The following TRMO variants were observed in gnomAD, a reference collection of about 807,000 sequenced individuals.
The protein encoded by TRMO is tRNA methyltransferase O.
TRMO carries 30 observed loss-of-function variants against 37.2 expected under a neutral mutation model. The observed-to-expected ratio is 0.81, with a 90% CI of 0.60 to 1.09. The LOEUF (loss-of-function observed/expected upper bound fraction) is 1.09. Ranked by LOEUF, TRMO falls within the 50% of genes least tolerant of loss-of-function variation. The pLI is 0.00. For missense variants in TRMO, 552 were observed against 549.5 expected, an observed-to-expected ratio of 1.00 and a Z score of -0.05; for synonymous variants, 239 against 199.4, an observed-to-expected ratio of 1.20 and a Z score of -1.67.
downstream of TRMO, among the ~76,000 whole-genome samples, chr9:97,903,889 C>T (rs1251240276): frequency 1.3e-5 from 2 of 152,094 alleles, no homozygotes; most frequent in African/African-American, 4.8e-5. Context: ...GTCAGGAATT[C>T]GAGACCAGCC....
At chr9:97,910,909 T>G (rs368276453) in intron 3 of TRMO, 1 of 562,866 alleles carries the variant, frequency 1.8e-6, no homozygotes, top group Non-Finnish European at 3.3e-6. Flanking sequence ...GAGAAGCCTG[T>G]GCACAAACCT....
chr9:97,916,324 C>T lies in TRMO; in HGVS notation c.91G>A (p.Glu31Lys). ...PALETGNLLT[E>K]PVGYLESCFS... ...CAAGATTCCAAGTAGCCGACTGGCT[C>T]AGTTAAAAGATTCCCTACAGGAGAA... is the stretch of plus-strand genomic sequence containing the variant. Residue 31 changes from glutamate to lysine, a missense_variant, in exon 2 of 5, where the codon GAG becomes AAG. Physicochemically the swap from Glu to Lys is moderately conservative, Grantham distance 56 (BLOSUM62 1). Transcript: ENST00000375119. 1 of 1,610,090 alleles carries T rather than the reference C, an allele frequency of 6.2e-7. No homozygotes were observed. The highest frequency in any genetic ancestry group is 8.5e-7 in the Non-Finnish European group (1 of 1,178,418).
At chr9:97,912,430 A>G (rs1037526481) in intron 3 of TRMO, 1 of 156,384 alleles carries the variant, frequency 6.4e-6, no homozygotes, top group African/African-American at 2.4e-5. Context: ...ATCTTCTAGT[A>G]CTTGCTATCC....
chr9:97,911,450 GAGTGAGCTTAAGC>G (rs1308078110), intron 3 of TRMO: 3 of 152,676 alleles, frequency 2.0e-5, no homozygotes, highest in African/African-American at 7.2e-5. Flanking sequence ...CCAACAGTCT[GAGTGAGCTTAAGC>G]AGATTCTTCC....
Position 97,913,427 on chromosome 9 carries a change from G to GTCA in TRMO, c.380_382dup (p.Leu127_Thr128insMet). On this transcript the variant is annotated inframe_insertion, in exon 3 of 5. Coordinates refer to ENST00000375119, the MANE Select transcript of TRMO (RefSeq NM_016481.5). ...TTCTACCTTTTCCAGCTTGGCCAGGGTCAGTCCTATTGCATTGGGACGATG... is the reference window on the plus strand; with the variant it reads ...TTCTACCTTTTCCAGCTTGGCCAGGGTCATCAGTCCTATTGCATTGGGACGATG... The GTCA allele has an allele frequency of 6.2e-7, 1 of 1,613,824 alleles. No individual in the cohort carries two copies. Among genetic ancestry groups the GTCA allele is most frequent in the Non-Finnish European group, 8.5e-7 (1 of 1,179,880 alleles).
At position 97,904,907 on chromosome 9, in the gene TRMO, C is replaced by G; in HGVS notation, c.1152G>C (p.Arg384=). ...AIEAVLSADP[R]SVYRRKLCQD... is the part of the protein sequence containing the mutation. ...GGCAAAGCTTCCGGCGGTACACAGACCGAGGATCCGCTGACAGCACAGCCT... is the reference window on the plus strand; with the variant it reads ...GGCAAAGCTTCCGGCGGTACACAGAGCGAGGATCCGCTGACAGCACAGCCT... Residue 384 remains arginine, a synonymous_variant, in exon 5 of 5, where the codon CGG becomes CGC. Coordinates refer to ENST00000375119, the MANE Select transcript of TRMO (RefSeq NM_016481.5). The G allele has an allele frequency of 6.2e-7, 1 of 1,614,198 alleles. No homozygotes were observed. Among genetic ancestry groups the G allele is most frequent in the Non-Finnish European group, 8.5e-7 (1 of 1,180,040 alleles).
At position 97,904,626 on chromosome 9, in the gene TRMO, T is replaced by A. The variant is rs1825777235; in HGVS notation, c.*107A>T. The A allele has an allele frequency of 1.3e-6, 2 of 1,532,696 alleles. No homozygotes were observed. The highest frequency in any genetic ancestry group is 1.4e-5 in the African/African-American group (1 of 71,922). The allele number at this position is 1,532,696 out of a possible 1,614,324, so 94.9% of individuals were successfully genotyped here. On this transcript the variant is annotated 3_prime_UTR_variant, in exon 5 of 5. Coordinates refer to ENST00000375119, the MANE Select transcript of TRMO (RefSeq NM_016481.5). ...GAACAGCCCAAATCAATCAAAGCCATGAGATCACAAAGTGTTGCTTCTCGA... is the reference window on the plus strand; with the variant it reads ...GAACAGCCCAAATCAATCAAAGCCAAGAGATCACAAAGTGTTGCTTCTCGA...
At chr9:97,904,280 T>G (rs572238610), downstream of TRMO, among the ~76,000 whole-genome samples, 120 of 152,290 alleles carry the variant, frequency 7.9e-4, no homozygotes, top group Non-Finnish European at 1.4e-3. Context: ...TCTCAAAAAC[T>G]ATCTCTACTT....
At chr9:97,904,117 T>C (rs1471018882), downstream of TRMO, among the ~76,000 whole-genome samples, 1 of 152,082 alleles carries the variant, frequency 6.6e-6, no homozygotes, top group Non-Finnish European at 1.5e-5. Context: ...AGTAACAATT[T>C]TCTTGAACTT....
At chr9:97,897,126 A>T in the TRMO span, among the ~76,000 whole-genome samples, 2 of 152,234 alleles carry the variant, frequency 1.3e-5, no homozygotes, top group Non-Finnish European at 2.9e-5. Context: ...CTTGCCATTT[A>T]TATCCTATTC....
intron 1 of TRMO, 54 bp downstream of exon 1, chr9:97,922,363 CG>C (rs1826695124): frequency 8.0e-7 from 1 of 1,254,254 alleles, no homozygotes; most frequent in Non-Finnish European, 1.1e-6. Context: ...CAACGAAGTC[CG>C]CTGCCTGGGC....
chr9:97,898,021 G>A, the TRMO span, among the ~76,000 whole-genome samples: 5 of 152,096 alleles, frequency 3.3e-5, no homozygotes, highest in Non-Finnish European at 7.4e-5. Context: ...ACACCAGCAC[G>A]CTTGGCTTCC....
intron 4 of TRMO, among the ~76,000 whole-genome samples, chr9:97,909,392 G>A (rs1826004820): frequency 6.6e-6 from 1 of 152,112 alleles, no homozygotes; most frequent in African/African-American, 2.4e-5. Flanking sequence ...AAAGTAAGCA[G>A]GCTCCATGTA....
Position 97,904,786 on chromosome 9 carries a change from C to A in TRMO, c.1273G>T (p.Glu425Ter), listed in dbSNP as rs1347153967. 1.2e-6 allele frequency: 2 copies of A among 1,614,182 alleles called. No homozygotes were observed. Among genetic ancestry groups the A allele is most frequent in the Non-Finnish European group, 1.7e-6 (2 of 1,180,030 alleles). ...ACAGGGCCAGTCATATGAACAGGCT[C>A]AGAAGCCGGCTTGATCCTCAGCACC... Reference protein sequence around the residue: ...AEVLRIKPASEPVHMTGPVGS... With the variant: ...AEVLRIKPAS Residue 425 changes from glutamate to a stop codon, truncating the protein, a stop_gained, in exon 5 of 5, where the codon GAG (glutamate) becomes TAG (stop). Transcript: ENST00000375119. LOFTEE classifies it low-confidence loss of function (END_TRUNC).
chr9:97,908,480 A>C (rs1346846988), intron 4 of TRMO, among the ~76,000 whole-genome samples: 1 of 151,790 alleles, frequency 6.6e-6, no homozygotes, highest in Non-Finnish European at 1.5e-5. Context: ...TCCCAGCTAC[A>C]CAGAAGGCTG....
intron 3 of TRMO, chr9:97,910,852 C>G: frequency 5.0e-6 from 3 of 595,290 alleles, no homozygotes; most frequent in Non-Finnish European, 9.1e-6. Flanking sequence ...TTTACAAAGC[C>G]TTTCTGGCTC....
chr9:97,907,698 T>G (rs1331839968), intron 4 of TRMO, among the ~76,000 whole-genome samples: 1 of 152,248 alleles, frequency 6.6e-6, no homozygotes, highest in Admixed American at 6.5e-5. Context: ...TGCCTTTTAC[T>G]TCTCCCAAGA....
chr9:97,906,855 A>AAAAG (rs1302850822), intron 4 of TRMO, among the ~76,000 whole-genome samples: 1,337 of 122,268 alleles, frequency 0.011, 24 homozygotes, highest in African/African-American at 0.013. Context: ...AAAAAAAAAA[A>AAAAG]AAAGAAAGAA....
downstream of TRMO, among the ~76,000 whole-genome samples, chr9:97,902,110 G>A (rs1425802320): frequency 1.3e-5 from 2 of 152,182 alleles, no homozygotes; most frequent in East Asian, 1.9e-4. Context: ...AGCTGTCGGA[G>A]GACAGAGTGG....
Sources: gnomAD v4.1 joint callset for allele counts (sites outside exome capture counted in the v4.1 genomes callset) on GRCh38, gnomAD v4.1.1 for gene constraint, MANE v1.5 for transcripts, NCBI Gene and HGNC (gene_info 2026-07-23, HGNC 2026-07-21) for gene names.